The following AK5 variants were observed in gnomAD, a reference collection of about 807,000 sequenced individuals.
AK5 encodes adenylate kinase 5, also known as adenylate kinase isoenzyme 5.
In AK5, 27 loss-of-function variants were observed where a neutral mutation model predicts 69.5. The ratio of observed to expected loss-of-function variants is 0.39; its 90% CI spans 0.29 to 0.54. The LOEUF is 0.54. Among genes scored for constraint, AK5 ranks in the 20% least tolerant of loss-of-function variants. AK5 has a pLI of 0.71. For missense variants in AK5, 531 were observed against 700.4 expected, an observed-to-expected ratio of 0.76 and a Z score of 2.73; for synonymous variants, 260 against 244.4, an observed-to-expected ratio of 1.06 and a Z score of -0.60.
At chr1:77,447,270 A>G (rs992915591) in intron 8 of AK5, among the ~76,000 whole-genome samples, 9 of 152,236 alleles carry the variant, frequency 5.9e-5, no homozygotes, top group Non-Finnish European at 1.2e-4. Context: ...TTCTTGACTA[A>G]AAAGTCAGAA....
At chr1:77,300,503 G>T (rs774650226) in intron 5 of AK5, among the ~76,000 whole-genome samples, 86 of 152,148 alleles carry the variant, frequency 5.7e-4, no homozygotes, top group Non-Finnish European at 2.6e-4. Context: ...ATGTAAAGCA[G>T]TGTCAGGGTC....
intron 8 of AK5, among the ~76,000 whole-genome samples, chr1:77,453,360 A>G (rs1653271139): frequency 1.3e-5 from 2 of 152,202 alleles, no homozygotes; most frequent in Admixed American, 1.3e-4. Context: ...GGATTTTTTC[A>G]TATTTTAACC....
chr1:77,344,072 C>T (rs1354304723), intron 6 of AK5, among the ~76,000 whole-genome samples: 1 of 152,170 alleles, frequency 6.6e-6, no homozygotes, highest in Admixed American at 6.5e-5. Context: ...TAGTAACAGA[C>T]ATCATTCCAC....
rs532736850 is a variant in AK5, at chr1:77,531,793, C to G, written c.1429-4054C>G. 7.6e-3 allele frequency among the ~76,000 whole-genome samples: 878 copies of G among 115,466 alleles called. 15 individuals are homozygous for G. Among genetic ancestry groups the G allele is most frequent in the African/African-American group, 0.027 (817 of 30,668 alleles). 75.8% of individuals were successfully genotyped at this position (115,466 alleles called of 152,430 possible). A position where few individuals can be genotyped will look rare whatever the true frequency, so the allele number is the denominator to read the frequency against. ...CCTCAGGGTGGATGGGACTGGGCGC[C>G]GTGGAGCAGGGGGCTGCGCTCGTCG... On this transcript the variant is annotated intron_variant, in intron 12 of 13. Transcript: ENST00000354567.
intron 5 of AK5, among the ~76,000 whole-genome samples, chr1:77,299,556 T>C (rs1240920302): frequency 3.3e-5 from 5 of 152,294 alleles, no homozygotes; most frequent in Non-Finnish European, 2.9e-5. Context: ...TCTCCCACCA[T>C]AAGTCCAGAA....
intron 5 of AK5, chr1:77,314,524 A>G (rs1284225147): frequency 6.5e-6 from 1 of 152,818 alleles, no homozygotes; most frequent in Non-Finnish European, 1.5e-5. Context: ...TTTAATTGAT[A>G]CACAATCATA....
At chr1:77,468,571 G>T (rs1570193463) in intron 8 of AK5, among the ~76,000 whole-genome samples, 1 of 152,322 alleles carries the variant, frequency 6.6e-6, no homozygotes, top group South Asian at 2.1e-4. Context: ...TCTCATGCTT[G>T]CTTTTCTGTC....
chr1:77,541,765 T>C (rs1278505901), intron 13 of AK5, among the ~76,000 whole-genome samples: 1 of 152,146 alleles, frequency 6.6e-6, no homozygotes, highest in African/African-American at 2.4e-5. Flanking sequence ...TTCTCTGGCT[T>C]ATAAGCCAGA....
intron 6 of AK5, among the ~76,000 whole-genome samples, chr1:77,367,579 A>ATATATATGTTATAT (rs71075732): frequency 1.9e-5 from 1 of 53,364 alleles, no homozygotes; most frequent in Non-Finnish European, 3.1e-5. Flanking sequence ...ATATATATAT[A>ATATATATGTTATAT]ATATATATGT....
At chr1:77,444,983 A>G (rs976060761) in intron 8 of AK5, among the ~76,000 whole-genome samples, 10 of 152,134 alleles carry the variant, frequency 6.6e-5, no homozygotes, top group Non-Finnish European at 1.3e-4. Context: ...AGATCCATCC[A>G]TGTTGTGACA....
At chr1:77,507,859 T>C (rs1657114470) in intron 10 of AK5, among the ~76,000 whole-genome samples, 1 of 152,206 alleles carries the variant, frequency 6.6e-6, no homozygotes. Context: ...GGAATTATCC[T>C]TTTTTATTAT....
At chr1:77,362,788 A>T (rs1460395572) in intron 6 of AK5, among the ~76,000 whole-genome samples, 1 of 152,214 alleles carries the variant, frequency 6.6e-6, no homozygotes, top group Non-Finnish European at 1.5e-5. Flanking sequence ...CATAATGTTC[A>T]GTGTTGGCTG....
At chr1:77,521,497 A>C (rs759792304) in intron 11 of AK5, among the ~76,000 whole-genome samples, 20 of 152,184 alleles carry the variant, frequency 1.3e-4, no homozygotes, top group Non-Finnish European at 2.1e-4. Context: ...TAATTCATGG[A>C]GTGCTACCAT....
intron 6 of AK5, among the ~76,000 whole-genome samples, chr1:77,381,085 T>C (rs947850704): frequency 6.6e-6 from 1 of 152,224 alleles, no homozygotes; most frequent in Admixed American, 6.5e-5. Flanking sequence ...GATTGAATGT[T>C]TGTGTTCCCC....
At chr1:77,402,791 A>G (rs1570508826) in intron 6 of AK5, among the ~76,000 whole-genome samples, 4 of 152,272 alleles carry the variant, frequency 2.6e-5, no homozygotes, top group Admixed American at 2.6e-4. Context: ...CATGATTTAT[A>G]GTCCTTTGTG....
intron 6 of AK5, among the ~76,000 whole-genome samples, chr1:77,367,610 A>ATATATAGTT (rs1557532968): frequency 1.8e-5 from 1 of 55,414 alleles, no homozygotes; most frequent in Non-Finnish European, 3.0e-5. Context: ...ATATATATGT[A>ATATATAGTT]ATATATATGT....
chr1:77,524,603 T>C (rs1658171878), intron 12 of AK5, among the ~76,000 whole-genome samples: 1 of 152,240 alleles, frequency 6.6e-6, no homozygotes, highest in Admixed American at 6.5e-5. Context: ...TTTTTGTTGT[T>C]GTCTAGTTGT....
intron 6 of AK5, among the ~76,000 whole-genome samples, chr1:77,390,649 G>A (rs185866878): frequency 2.0e-4 from 31 of 152,002 alleles, no homozygotes; most frequent in Admixed American, 1.9e-3. Flanking sequence ...AAAGTAGAAA[G>A]GATTTTATTT....
chr1:77,366,897 AT>A (rs1301388992), intron 6 of AK5, among the ~76,000 whole-genome samples: 1 of 107,628 alleles, frequency 9.3e-6, no homozygotes, highest in Non-Finnish European at 2.0e-5. Context: ...AAGACTTAGT[AT>A]TTTTTCCATC....
Sources: gnomAD v4.1 joint callset for allele counts (sites outside exome capture counted in the v4.1 genomes callset) on GRCh38, gnomAD v4.1.1 for gene constraint, MANE v1.5 for transcripts, NCBI Gene and HGNC (gene_info 2026-07-23, HGNC 2026-07-21) for gene names.